BCAS3: variants seen among roughly 807,000 people sequenced by gnomAD.
BCAS3 encodes the protein BCAS4/BCAS3 fusion.
In BCAS3, 53 loss-of-function variants were observed where a neutral mutation model predicts 116.1. The ratio of observed to expected loss-of-function variants is 0.46; its 90% CI spans 0.37 to 0.57. The LOEUF (loss-of-function observed/expected upper bound fraction) is 0.57, where lower values mean the gene tolerates loss of function less well. Ranked by LOEUF, BCAS3 falls within the 20% of genes least tolerant of loss-of-function variation. The pLI is 0.00. For missense variants in BCAS3, 917 were observed against 1,165.4 expected (o/e 0.79, Z 3.10); for synonymous variants, 391 against 408.2 (o/e 0.96, Z 0.51).
intron 7 of BCAS3, among the ~76,000 whole-genome samples, chr17:60,828,581 T>G (rs1431605664): frequency 3.9e-5 from 6 of 152,228 alleles, no homozygotes; most frequent in Non-Finnish European, 2.9e-5. Flanking sequence ...TAATTTATTC[T>G]ATAAATGACA....
At position 61,381,707 on chromosome 17, in the gene BCAS3, C is replaced by T. The variant is rs1353281337; in HGVS notation, c.2594-10270C>T. Among the ~76,000 whole-genome samples, 1 of 152,174 alleles carries T rather than the reference C, an allele frequency of 6.6e-6. No homozygotes were observed. Among genetic ancestry groups the T allele is most frequent in the African/African-American group, 2.4e-5 (1 of 41,444 alleles). On this transcript the variant is annotated intron_variant, in intron 23 of 23. Coordinates refer to ENST00000407086, the MANE Select transcript of BCAS3 (RefSeq NM_017679.5). This position sits in a 1 kb window ranked among gnomAD's most constrained non-coding sequence, Gnocchi z 6.0. ...AGTGACATTGGGATTGGTTGGTTCA[C>T]ACCAACTTGCGTGTGTGTGCCTGTC... is the stretch of plus-strand genomic sequence containing the variant.
At chr17:60,831,997 G>A (rs1370658199) in intron 7 of BCAS3, among the ~76,000 whole-genome samples, 1 of 152,132 alleles carries the variant, frequency 6.6e-6, no homozygotes, top group African/African-American at 2.4e-5. Context: ...GTACGTTTAT[G>A]ATGATGAAAA....
Position 61,285,317 on chromosome 17 carries a change from C to G in BCAS3, c.2426-83010C>G, listed in dbSNP as rs1831843135. The stretch of plus-strand genomic sequence containing the variant: ...AAATACAACAGTGCACGGCAGAGTC[C>G]CTGCTAATAAATGTATATAAAAGAA... On this transcript the variant is annotated intron_variant, in intron 22 of 23. Coordinates refer to ENST00000407086, the MANE Select transcript of BCAS3 (RefSeq NM_017679.5). The surrounding 1 kb of genome is among the most constrained non-coding windows in gnomAD (Gnocchi z 5.4). Among the ~76,000 whole-genome samples, 1 of 151,644 alleles carries G rather than the reference C, an allele frequency of 6.6e-6. No individual in the cohort carries two copies. The highest frequency in any genetic ancestry group is 1.9e-4 in the East Asian group (1 of 5,178).
chr17:61,260,750 C>T (rs1320089078), intron 22 of BCAS3, among the ~76,000 whole-genome samples: 4 of 152,170 alleles, frequency 2.6e-5, no homozygotes, highest in Non-Finnish European at 4.4e-5. Context: ...TTTAGTAAAC[C>T]GATGAGTGTC....
intron 11 of BCAS3, among the ~76,000 whole-genome samples, chr17:60,908,165 T>C (rs2058290448): frequency 6.6e-6 from 1 of 152,104 alleles, no homozygotes; most frequent in Non-Finnish European, 1.5e-5. Flanking sequence ...GTTTTTTTTT[T>C]CCCTAGGAAA....
In BCAS3 at chr17:61,319,633, A is replaced by AT. The variant is rs1045773731; in HGVS notation, c.2426-48684dup. Reference sequence around the variant, plus strand: ...CAGGCCATCTAGGTCTGTTTAAGAGATTTTTTTTTTCCTGAATAAACCACA... The same window carrying AT: ...CAGGCCATCTAGGTCTGTTTAAGAGATTTTTTTTTTTCCTGAATAAACCACA... On this transcript the variant is annotated intron_variant, in intron 22 of 23. Transcript: ENST00000407086. Among the ~76,000 whole-genome samples the AT allele has an allele frequency of 3.9e-4, 57 of 147,508 alleles. No individual in the cohort carries two copies. The East Asian group carries it at 9.4e-3, about 24-fold the overall frequency.
In BCAS3 at chr17:61,368,767, C is replaced by T. The variant is rs1197817543; in HGVS notation, c.2593+273C>T. On this transcript the variant is annotated intron_variant, in intron 23 of 23. Transcript: ENST00000407086. This position sits in a 1 kb window ranked among gnomAD's most constrained non-coding sequence, Gnocchi z 6.0. The stretch of plus-strand genomic sequence containing the variant: ...CAAGTGGCTCCCAGAAGGACACTTT[C>T]CTCCTTTGGGGGTGTCCCCACGTCT... Among the ~76,000 whole-genome samples, 6 of 152,258 alleles carry T rather than the reference C, an allele frequency of 3.9e-5. No individual in the cohort carries two copies. Among genetic ancestry groups the T allele is most frequent in the Non-Finnish European group, 7.3e-5 (5 of 68,048 alleles).
chr17:60,892,593 G>A (rs2057240936), intron 10 of BCAS3, among the ~76,000 whole-genome samples: 3 of 150,872 alleles, frequency 2.0e-5, no homozygotes. Flanking sequence ...ATAGGCATGA[G>A]CCCCAGCGTC....
intron 7 of BCAS3, among the ~76,000 whole-genome samples, chr17:60,829,493 CAAAA>C (rs538508139): frequency 8.0e-6 from 1 of 124,570 alleles, no homozygotes; most frequent in Non-Finnish European, 1.8e-5. Flanking sequence ...GACTGTGTCT[CAAAA>C]AAAAAAAAAA....
rs1312099672 is a variant in BCAS3 at position 61,348,463 on chromosome 17, G to T, written c.2426-19864G>T. On this transcript the variant is annotated intron_variant, in intron 22 of 23. Transcript: ENST00000407086. This position sits in a 1 kb window ranked among gnomAD's most constrained non-coding sequence, Gnocchi z 4.5. Reference sequence around the variant, plus strand: ...TAGTACTGGGTATTTGTAAGCGTTAGAGTAGCTGAACTCACCCAAGAATAG... The same window carrying T: ...TAGTACTGGGTATTTGTAAGCGTTATAGTAGCTGAACTCACCCAAGAATAG... 1.3e-5 allele frequency among the ~76,000 whole-genome samples: 2 copies of T among 152,134 alleles called. No homozygotes were observed. Among genetic ancestry groups the T allele is most frequent in the African/African-American group, 2.4e-5 (1 of 41,430 alleles).
chr17:60,785,916 G>A (rs1378178051), intron 6 of BCAS3, among the ~76,000 whole-genome samples: 2 of 152,144 alleles, frequency 1.3e-5, no homozygotes, highest in South Asian at 2.1e-4. Flanking sequence ...ACAATACAGT[G>A]TAATAACCAT....
At chr17:60,884,625 G>T (rs1170101055) in intron 9 of BCAS3, among the ~76,000 whole-genome samples, 85 of 142,770 alleles carry the variant, frequency 6.0e-4, no homozygotes, top group Non-Finnish European at 1.1e-3. Flanking sequence ...ATGCGTCCCA[G>T]AGATTCTGGT....
chr17:61,238,074 C>T (rs1284744313), intron 22 of BCAS3, among the ~76,000 whole-genome samples: 3 of 152,092 alleles, frequency 2.0e-5, no homozygotes, highest in Non-Finnish European at 4.4e-5. Context: ...TTTTGTGAGA[C>T]AGAGTTTCAC....
intron 5 of BCAS3, chr17:60,727,316 A>G (rs1044880357): frequency 6.3e-6 from 8 of 1,263,200 alleles, no homozygotes; most frequent in Admixed American, 1.7e-5. Flanking sequence ...AGCCTTCTTC[A>G]GGAAAACTGG....
intron 23 of BCAS3, chr17:61,384,511 T>G (rs1349744256): frequency 6.6e-6 from 1 of 152,240 alleles, no homozygotes; most frequent in Non-Finnish European, 1.5e-5. Context: ...TTGGCACATC[T>G]GTGACAGAAC....
intron 22 of BCAS3, among the ~76,000 whole-genome samples, chr17:61,177,948 A>ATAT (rs2079242696): frequency 6.6e-6 from 1 of 152,188 alleles, no homozygotes; most frequent in South Asian, 2.1e-4. Context: ...ACATTACATA[A>ATAT]GACTATATAC....
In BCAS3 at chr17:61,141,232, T is replaced by A. The variant is rs1272772821; in HGVS notation, c.2425+56668T>A. Among the ~76,000 whole-genome samples, 3 of 152,146 alleles carry A rather than the reference T, an allele frequency of 2.0e-5. No individual in the cohort carries two copies. Among genetic ancestry groups the A allele is most frequent in the Admixed American group, 6.5e-5 (1 of 15,278 alleles). On this transcript the variant is annotated intron_variant, in intron 22 of 23. Transcript: ENST00000407086. The surrounding 1 kb of genome is among the most constrained non-coding windows in gnomAD (Gnocchi z 4.3). ...GGCCTTTACATTCATATGTAGGGCA[T>A]TTGGTTGCTTAAATATTGAAACAAT... is the stretch of plus-strand genomic sequence containing the variant.
chr17:60,865,315 G>C (rs979408018), intron 7 of BCAS3, among the ~76,000 whole-genome samples: 13 of 152,032 alleles, frequency 8.6e-5, no homozygotes, highest in African/African-American at 3.1e-4. Flanking sequence ...GCTTGTCATC[G>C]TCTTTAAAAA....
At chr17:60,916,644 A>G (rs1260751491) in intron 12 of BCAS3, among the ~76,000 whole-genome samples, 1 of 152,202 alleles carries the variant, frequency 6.6e-6, no homozygotes, top group African/African-American at 2.4e-5. Context: ...ATGTGTGTTG[A>G]CCGATGTGTG....
Sources: allele counts gnomAD v4.1 joint callset (sites outside exome capture counted in the v4.1 genomes callset), GRCh38; gene constraint gnomAD v4.1.1; non-coding constraint Gnocchi (gnomAD v3.1); transcripts MANE v1.5; gene names NCBI Gene and HGNC (gene_info 2026-07-23, HGNC 2026-07-21).